Variants in MEGF10 observed in about 807,000 individuals in gnomAD.
The protein encoded by MEGF10 is multiple EGF like domains 10, also known as multiple epidermal growth factor-like domains protein 10.
A neutral mutation model predicts 147.5 loss-of-function variants in MEGF10; 86 were observed. The ratio of observed to expected loss-of-function variants is 0.58; its 90% CI spans 0.49 to 0.70. The LOEUF (loss-of-function observed/expected upper bound fraction) is 0.70. Among genes scored for constraint, MEGF10 ranks in the 30% least tolerant of loss-of-function variants. The pLI, the probability that MEGF10 is intolerant of heterozygous loss-of-function variation, is 0.00. For missense variants in MEGF10, 1,329 were observed against 1,487.3 expected (o/e 0.89, Z 1.75); for synonymous variants, 478 against 525.5 (o/e 0.91, Z 1.24).
chr5:127,246,999 T>TATATATATATATATATATATATAC, the MEGF10 span, among the ~76,000 whole-genome samples: 38 of 126,598 alleles, frequency 3.0e-4, no homozygotes, highest in African/African-American at 1.2e-3. Flanking sequence ...TATATATATA[T>TATATATATATATATATATATATAC]ATATATATAG....
intron 13 of MEGF10, among the ~76,000 whole-genome samples, chr5:127,425,747 C>A (rs1258723552): frequency 6.6e-6 from 1 of 151,982 alleles, no homozygotes; most frequent in African/African-American, 2.4e-5. Flanking sequence ...CTGTTAGGAC[C>A]TTTTTGAACG....
intron 5 of MEGF10, among the ~76,000 whole-genome samples, chr5:127,382,269 A>G (rs1184128932): frequency 6.6e-6 from 1 of 152,232 alleles, no homozygotes; most frequent in African/African-American, 2.4e-5. Context: ...TATTTGTCCT[A>G]GTTATATAGA....
chr5:127,321,392 G>A, intron 1 of MEGF10, among the ~76,000 whole-genome samples: 1 of 151,930 alleles, frequency 6.6e-6, no homozygotes, highest in East Asian at 1.9e-4. Context: ...CCTGTTAGAG[G>A]AATGCTCAGG....
the MEGF10 span, among the ~76,000 whole-genome samples, chr5:127,271,195 C>T: frequency 6.6e-6 from 1 of 152,144 alleles, no homozygotes; most frequent in Non-Finnish European, 1.5e-5. Context: ...TAAAAGTGTT[C>T]CTTTCTCTCC....
chr5:127,246,257 A>G, the MEGF10 span, among the ~76,000 whole-genome samples: 1 of 152,212 alleles, frequency 6.6e-6, no homozygotes, highest in African/African-American at 2.4e-5. Flanking sequence ...CATATACAAC[A>G]TAGACTACTA....
chr5:127,445,245 G>C (rs1340385701), intron 19 of MEGF10: 1 of 563,680 alleles, frequency 1.8e-6, no homozygotes, highest in Non-Finnish European at 3.2e-6. Flanking sequence ...GTCTCTTTTT[G>C]AGGCTTACAG....
chr5:127,407,709 T>C (rs976698435), intron 8 of MEGF10, among the ~76,000 whole-genome samples: 1 of 152,162 alleles, frequency 6.6e-6, no homozygotes, highest in African/African-American at 2.4e-5. Flanking sequence ...ATTAAGGGCA[T>C]AAAATTTGTT....
At chr5:127,354,222 T>G (rs180799006) in intron 4 of MEGF10, among the ~76,000 whole-genome samples, 2 of 152,082 alleles carry the variant, frequency 1.3e-5, no homozygotes, top group Non-Finnish European at 2.9e-5. Context: ...AAACAATGGG[T>G]TTTAAGCCCA....
chr5:127,440,337 A>G (rs1367399922), intron 17 of MEGF10, among the ~76,000 whole-genome samples: 1 of 152,244 alleles, frequency 6.6e-6, no homozygotes, highest in Admixed American at 6.5e-5. Flanking sequence ...GTAAAAGCAT[A>G]CAGGTAATTT....
chr5:127,394,543 C>CTGT (rs1353578159), intron 5 of MEGF10, among the ~76,000 whole-genome samples: 1 of 152,062 alleles, frequency 6.6e-6, no homozygotes, highest in African/African-American at 2.4e-5. Context: ...TTTGGAGTCC[C>CTGT]TTCAAAACAG....
the MEGF10 span, among the ~76,000 whole-genome samples, chr5:127,231,047 A>T: frequency 2.0e-4 from 31 of 151,950 alleles, no homozygotes; most frequent in Admixed American, 1.3e-4. Context: ...ACTCCCCACT[A>T]CCTCTTACAC....
chr5:127,385,520 G>A (rs370717693), intron 5 of MEGF10, among the ~76,000 whole-genome samples: 1 of 152,140 alleles, frequency 6.6e-6, no homozygotes, highest in Non-Finnish European at 1.5e-5. Context: ...TGATCTGCCC[G>A]ACTTGGCCTG....
intron 20 of MEGF10, among the ~76,000 whole-genome samples, chr5:127,447,291 T>C (rs2127028315): frequency 6.6e-6 from 1 of 152,298 alleles, no homozygotes; most frequent in Non-Finnish European, 1.5e-5. Flanking sequence ...TTCTTCTGCC[T>C]CAGCCTCCCG....
At position 127,361,324 on chromosome 5, in the gene MEGF10, AT is replaced by A. The variant is rs1762463247; in HGVS notation, c.320-8584del. Reference sequence around the variant, plus strand: ...TCAAATTTATTGGCATAAAGTTTTTATTAACATTTACCTGTAAAAAAATCTA... The same window carrying A: ...TCAAATTTATTGGCATAAAGTTTTTATAACATTTACCTGTAAAAAAATCTA... On this transcript the variant is annotated intron_variant, in intron 4 of 24. Coordinates refer to ENST00000503335, the MANE Select transcript of MEGF10 (RefSeq NM_001256545.2). 2.6e-5 allele frequency among the ~76,000 whole-genome samples: 4 copies of A among 151,930 alleles called. No homozygotes were observed. In the South Asian group the frequency reaches 8.3e-4, roughly 31 times the overall value.
At chr5:127,451,321 T>C (rs760267823) in intron 22 of MEGF10, among the ~76,000 whole-genome samples, 1 of 152,190 alleles carries the variant, frequency 6.6e-6, no homozygotes, top group Non-Finnish European at 1.5e-5. Context: ...ATAAAAATGT[T>C]TTACTGGTGA....
intron 4 of MEGF10, among the ~76,000 whole-genome samples, chr5:127,345,725 G>A (rs1464409733): frequency 6.6e-6 from 1 of 152,024 alleles, no homozygotes; most frequent in East Asian, 1.9e-4. Context: ...TGTTTTTTAA[G>A]GAACAGGTAG....
the MEGF10 span, among the ~76,000 whole-genome samples, chr5:127,247,412 A>AG: frequency 1.3e-5 from 1 of 77,130 alleles, no homozygotes; most frequent in African/African-American, 7.0e-5. Flanking sequence ...AAGAAGAAGA[A>AG]GAAGAAGAAG....
At chr5:127,457,033 G>A in intron 24 of MEGF10, 95 bp from the exon 25 acceptor site, 1 of 1,226,100 alleles carries the variant, frequency 8.2e-7, no homozygotes, top group Non-Finnish European at 1.1e-6. Flanking sequence ...TTTTTTAAAA[G>A]TCCCTTTGGT....
the MEGF10 span, among the ~76,000 whole-genome samples, chr5:127,278,475 G>A: frequency 1.2e-4 from 18 of 152,300 alleles, no homozygotes; most frequent in Admixed American, 5.9e-4. Flanking sequence ...GCTGTAGGAG[G>A]AGAACCAAAC....
Sources: gnomAD v4.1 joint callset for allele counts (sites outside exome capture counted in the v4.1 genomes callset) on GRCh38, gnomAD v4.1.1 for gene constraint, MANE v1.5 for transcripts, NCBI Gene and HGNC (gene_info 2026-07-23, HGNC 2026-07-21) for gene names.